VPS50: variants seen among roughly 807,000 people sequenced by gnomAD.
The protein encoded by VPS50 is VPS50 subunit of EARP/GARPII complex, also known as syndetin.
A neutral mutation model predicts 139.7 loss-of-function variants in VPS50; 70 were observed. The ratio of observed to expected loss-of-function variants is 0.50; its 90% CI spans 0.41 to 0.61. VPS50 has a LOEUF of 0.61. Ranked by LOEUF, VPS50 falls within the 20% of genes least tolerant of loss-of-function variation. The pLI, the probability that VPS50 is intolerant of heterozygous loss-of-function variation, is 0.00. For missense variants in VPS50, 921 were observed against 1,133.7 expected (o/e 0.81, Z 2.69); for synonymous variants, 365 against 376.7 (o/e 0.97, Z 0.36).
At chr7:93,293,143 T>C (rs563377148) in intron 13 of VPS50, among the ~76,000 whole-genome samples, 1 of 152,272 alleles carries the variant, frequency 6.6e-6, no homozygotes, top group East Asian at 1.9e-4. Context: ...TTGTAAAGTT[T>C]GGACAGCATG....
At chr7:93,357,903 A>G (rs1798750846) in intron 27 of VPS50, among the ~76,000 whole-genome samples, 2 of 152,062 alleles carry the variant, frequency 1.3e-5, no homozygotes, top group Admixed American at 6.6e-5. Context: ...TTTTTTAACT[A>G]AAGTGTTTAC....
chr7:93,294,201 T>A lies in VPS50; in HGVS notation c.1076-344T>A, dbSNP rs1473223696. Among the ~76,000 whole-genome samples the A allele has an allele frequency of 2.0e-5, 3 of 151,982 alleles. No homozygotes were observed. In the South Asian group the frequency reaches 6.2e-4, roughly 31 times the overall value. On this transcript the variant is annotated intron_variant, in intron 13 of 27. Coordinates refer to ENST00000305866, the MANE Select transcript of VPS50 (RefSeq NM_017667.4). ...ATTAATTGATAATTCAGTTAATTGG[T>A]CCTGTAATGCCCTTCTCACAGCCTT...
intron 21 of VPS50, among the ~76,000 whole-genome samples, chr7:93,327,899 A>C (rs1192783771): frequency 1.3e-5 from 2 of 152,186 alleles, no homozygotes; most frequent in Non-Finnish European, 2.9e-5. Flanking sequence ...TTCTGTCAGA[A>C]GAAAGGGACT....
rs542709990 is a variant in VPS50, at chr7:93,245,492, A to C, written c.102+5558A>C. 3.4e-4 allele frequency among the ~76,000 whole-genome samples: 52 copies of C among 151,622 alleles called. 1 individual carries two copies. The highest frequency in any genetic ancestry group is 1.2e-3 in the African/African-American group (50 of 41,412). On this transcript the variant is annotated intron_variant, in intron 2 of 27. Coordinates refer to ENST00000305866, the MANE Select transcript of VPS50 (RefSeq NM_017667.4). ...AGAAAAACAAAATTAAGATGTACAC[A>C]CTCGATTTTTCTCTGTATATCTTGA...
chr7:93,323,901 T>C (rs1159961522), intron 21 of VPS50, among the ~76,000 whole-genome samples, 169 bp downstream of exon 21: 2 of 152,180 alleles, frequency 1.3e-5, no homozygotes, highest in Admixed American at 1.3e-4. Flanking sequence ...TTGCCTTACT[T>C]TTATATTAAT....
Position 93,259,531 on chromosome 7 carries a change from C to G in VPS50, c.577-19C>G. 7.4e-7 allele frequency: 1 copy of G among 1,345,206 alleles called. No homozygotes were observed. The allele number at this position is 1,345,206 out of a possible 1,614,324, so 83.3% of individuals were successfully genotyped here. A position where few individuals can be genotyped will look rare whatever the true frequency, so the allele number is the denominator to read the frequency against. On this transcript the variant is annotated intron_variant, in intron 8 of 27. Coordinates refer to ENST00000305866, the MANE Select transcript of VPS50 (RefSeq NM_017667.4). Reference sequence around the variant, plus strand: ...AAAAATGTTTCTATTCCAATGACTCCTGTTGTTGTTACCTTAAGGAGGAAG... The same window carrying G: ...AAAAATGTTTCTATTCCAATGACTCGTGTTGTTGTTACCTTAAGGAGGAAG...
At chr7:93,344,678 C>T (rs940628940) in intron 23 of VPS50, among the ~76,000 whole-genome samples, 3 of 151,866 alleles carry the variant, frequency 2.0e-5, no homozygotes, top group Admixed American at 6.5e-5. Flanking sequence ...TTAAGAATCT[C>T]ACTCAAAACC....
intron 26 of VPS50, among the ~76,000 whole-genome samples, chr7:93,354,804 A>G (rs967428398): frequency 3.9e-5 from 6 of 152,160 alleles, no homozygotes; most frequent in Non-Finnish European, 7.3e-5. Context: ...TACATCTGAA[A>G]TATCCCTGAG....
intron 2 of VPS50, among the ~76,000 whole-genome samples, chr7:93,249,833 T>A (rs1795266539): frequency 2.6e-5 from 4 of 152,264 alleles, no homozygotes; most frequent in Middle Eastern, 6.8e-3. Context: ...GACTTTCATT[T>A]CATATTTCAA....
In VPS50 at chr7:93,306,834, G is replaced by A. The variant is rs552952134; in HGVS notation, c.1629+830G>A. 1.7e-4 allele frequency among the ~76,000 whole-genome samples: 26 copies of A among 151,844 alleles called. No individual in the cohort carries two copies. In the South Asian group the frequency reaches 5.2e-3, roughly 30 times the overall value. ...TTCAGATGTGACAAAATATGTTGAA[G>A]GATTTGTCTTTATATTTTATGTTAG... is the stretch of plus-strand genomic sequence containing the variant. On this transcript the variant is annotated intron_variant, in intron 18 of 27. Transcript: ENST00000305866.
intron 20 of VPS50, among the ~76,000 whole-genome samples, chr7:93,319,200 AAAACACAGT>A (rs1485546059): frequency 6.6e-5 from 10 of 152,230 alleles, no homozygotes; most frequent in African/African-American, 2.4e-4. Flanking sequence ...TCACAGAAAA[AAAACACAGT>A]AAATTAAACT....
At chr7:93,324,415 G>T (rs527388752) in intron 21 of VPS50, among the ~76,000 whole-genome samples, 249 of 152,204 alleles carry the variant, frequency 1.6e-3, no homozygotes, top group African/African-American at 5.7e-3. Flanking sequence ...TATGATATTG[G>T]CTGTGGGTTT....
intron 16 of VPS50, among the ~76,000 whole-genome samples, chr7:93,300,827 ATGAT>A (rs987818417): frequency 7.2e-5 from 11 of 151,856 alleles, no homozygotes; most frequent in East Asian, 3.8e-4. Context: ...AAAAATATAT[ATGAT>A]TGATCAAAAA....
rs753228999 is a variant in VPS50 at position 93,297,144 on chromosome 7, G to A, written c.1263-1G>A. The A allele has an allele frequency of 6.4e-7, 1 of 1,561,398 alleles. No individual in the cohort carries two copies. Among genetic ancestry groups the A allele is most frequent in the Non-Finnish European group, 8.6e-7 (1 of 1,163,402 alleles). ...TTACTGAAACCTTTTTATCCAACTA[G>A]GTTGATGCAAGTTGGAGAAGAATTT... On this transcript the variant is annotated splice_acceptor_variant, in intron 15 of 27. Transcript: ENST00000305866. LOFTEE classifies it high-confidence loss of function.
At chr7:93,293,962 G>A (rs1796726579) in intron 13 of VPS50, among the ~76,000 whole-genome samples, 1 of 152,092 alleles carries the variant, frequency 6.6e-6, no homozygotes, top group African/African-American at 2.4e-5. Flanking sequence ...TCACACAAAA[G>A]TTTCATCTTT....
intron 21 of VPS50, among the ~76,000 whole-genome samples, chr7:93,326,081 A>G (rs1023017318): frequency 1.3e-5 from 2 of 152,136 alleles, no homozygotes; most frequent in African/African-American, 4.8e-5. Flanking sequence ...GATCAAGAAA[A>G]TGTGGCACAT....
intron 1 of VPS50, among the ~76,000 whole-genome samples, chr7:93,233,976 G>T (rs1226349963): frequency 6.6e-6 from 1 of 152,228 alleles, no homozygotes; most frequent in African/African-American, 2.4e-5. Flanking sequence ...TGGTGGGAAA[G>T]CAGGAAAATT....
intron 3 of VPS50, among the ~76,000 whole-genome samples, chr7:93,253,331 T>C (rs1165461669): frequency 6.6e-6 from 1 of 152,192 alleles, no homozygotes; most frequent in Non-Finnish European, 1.5e-5. Context: ...CTGTATATGG[T>C]ATGCATTTTT....
chr7:93,258,025 G>C, intron 6 of VPS50, 134 bp from the exon 7 acceptor site: 2 of 581,054 alleles, frequency 3.4e-6, no homozygotes, highest in Non-Finnish European at 3.1e-6. Flanking sequence ...GAGTACATTT[G>C]TCAAATAGTA....
Sources: gnomAD v4.1 joint callset for allele counts (sites outside exome capture counted in the v4.1 genomes callset) on GRCh38, gnomAD v4.1.1 for gene constraint, MANE v1.5 for transcripts, NCBI Gene and HGNC (gene_info 2026-07-23, HGNC 2026-07-21) for gene names.